PLS1: variants seen among roughly 807,000 people sequenced by gnomAD.
PLS1 encodes the protein plastin-1.
A neutral mutation model predicts 73.7 loss-of-function variants in PLS1; 32 were observed. The observed-to-expected ratio is 0.43, with a 90% CI of 0.33 to 0.58. The LOEUF (loss-of-function observed/expected upper bound fraction) is 0.58, where lower values mean the gene tolerates loss of function less well. PLS1 is among the 20% of genes least tolerant of loss of function. PLS1 has a pLI of 0.04. For synonymous variants in PLS1, 217 were observed against 261.3 expected (o/e 0.83, Z 1.63); for missense variants, 633 against 740.5 (o/e 0.85, Z 1.68).
intron 1 of PLS1, among the ~76,000 whole-genome samples, chr3:142,600,914 ATATTTTT>A (rs2035912609): frequency 2.6e-4 from 5 of 19,018 alleles, no homozygotes; most frequent in East Asian, 1.7e-3. Flanking sequence ...ATATATATAT[ATATTTTT>A]TTTTTTTTTT....
At position 142,703,920 on chromosome 3, in the gene PLS1, C is replaced by A; in HGVS notation, c.1424C>A (p.Ser475Tyr). 6.2e-7 allele frequency: 1 copy of A among 1,612,082 alleles called. No homozygotes were observed. The highest frequency in any genetic ancestry group is 8.5e-7 in the Non-Finnish European group (1 of 1,178,164). ...VELGKNKAKFSLVGIAGQDLN... is the reference protein window; with the variant it reads ...VELGKNKAKFYLVGIAGQDLN... ...CTTGGGAAGAACAAGGCCAAATTCTCCTTGGTTGGCATTGCTGGGCAGGAC... is the reference window on the plus strand; with the variant it reads ...CTTGGGAAGAACAAGGCCAAATTCTACTTGGTTGGCATTGCTGGGCAGGAC... Residue 475 changes from serine (S) to tyrosine (Y), a missense_variant, in exon 13 of 16, where the codon TCC (serine) becomes TAC (tyrosine). Physicochemically the swap from Ser to Tyr is moderately radical, Grantham distance 144. Coordinates refer to ENST00000457734, the MANE Select transcript of PLS1 (RefSeq NM_001145319.2).
intron 12 of PLS1, among the ~76,000 whole-genome samples, chr3:142,699,753 G>A (rs1037121285): frequency 1.3e-5 from 2 of 152,086 alleles, no homozygotes; most frequent in African/African-American, 4.8e-5. Context: ...GAATGAAAAT[G>A]TATTTATAGA....
chr3:142,607,523 C>T (rs2036046065), intron 1 of PLS1, among the ~76,000 whole-genome samples: 1 of 152,244 alleles, frequency 6.6e-6, no homozygotes, highest in African/African-American at 2.4e-5. Flanking sequence ...ATCCACCCGC[C>T]TCGGCCTCCC....
At chr3:142,673,267 G>C (rs2037646107) in intron 4 of PLS1, among the ~76,000 whole-genome samples, 1 of 152,090 alleles carries the variant, frequency 6.6e-6, no homozygotes, top group Non-Finnish European at 1.5e-5. Context: ...GGTTGATCTT[G>C]AACTCCTGGG....
chr3:142,698,003 T>C lies in PLS1; in HGVS notation c.1307T>C (p.Val436Ala), dbSNP rs1272058962. 1 of 1,613,756 alleles carries C rather than the reference T, an allele frequency of 6.2e-7. No homozygotes were observed. The highest frequency in any genetic ancestry group is 2.2e-5 in the East Asian group (1 of 44,860). The part of the protein sequence containing the change: ...VIFQLYEMIR[V>A]PVNWSHVNKP... Reference sequence around the variant, plus strand: ...TTTCAGCTCTATGAGATGATCCGAGTGCCAGTCAACTGGAGCCATGTCAAC... The same window carrying C: ...TTTCAGCTCTATGAGATGATCCGAGCGCCAGTCAACTGGAGCCATGTCAAC... Residue 436 changes from valine to alanine, a missense_variant, in exon 12 of 16, where the codon GTG (valine) becomes GCG (alanine). Val to Ala is a moderately conservative substitution (Grantham distance 64). Coordinates refer to ENST00000457734, the MANE Select transcript of PLS1 (RefSeq NM_001145319.2).
Position 142,664,241 on chromosome 3 carries a change from GA to G in PLS1, c.8del (p.Asn3ThrfsTer21). On this transcript the variant is annotated frameshift_variant, in exon 2 of 16. Coordinates refer to ENST00000457734, the MANE Select transcript of PLS1 (RefSeq NM_001145319.2). LOFTEE classifies it high-confidence loss of function. The stretch of plus-strand genomic sequence containing the variant: ...AGATAGTCTTTTCTGTCCAAAGATG[GA>G]AAACAGTACTACTACCATTTCTCGG... The part of the protein sequence containing the change: M[E>X]NSTTTISREE... 6.4e-7 allele frequency: 1 copy of G among 1,563,910 alleles called. No homozygotes were observed. Among genetic ancestry groups the G allele is most frequent in the Non-Finnish European group, 8.7e-7 (1 of 1,143,188 alleles).
chr3:142,689,882 C>CA, intron 10 of PLS1, 69 bp downstream of exon 10: 1 of 984,016 alleles, frequency 1.0e-6, no homozygotes, highest in Non-Finnish European at 1.5e-6. Flanking sequence ...ACTTCACTGT[C>CA]AGAGATAGGG....
intron 2 of PLS1, among the ~76,000 whole-genome samples, chr3:142,665,297 CA>C (rs11285999): frequency 0.058 from 6,529 of 112,222 alleles, 456 homozygotes; most frequent in African/African-American, 0.19. Context: ...AAAAGCACTC[CA>C]AAAAAAAAAA....
chr3:142,698,102 T>G (rs188621756), intron 12 of PLS1, 35 bp downstream of exon 12: 1 of 1,166,152 alleles, frequency 8.6e-7, no homozygotes, highest in Non-Finnish European at 1.3e-6. Context: ...ATATTGTTAT[T>G]GTTCTGATAT....
chr3:142,677,381 C>T (rs1038717149), intron 5 of PLS1, among the ~76,000 whole-genome samples: 13 of 152,166 alleles, frequency 8.5e-5, no homozygotes, highest in Admixed American at 1.3e-4. Context: ...CGTGGTGGCT[C>T]ATGCCTGTAA....
chr3:142,671,257 C>T (rs940971096), intron 4 of PLS1, 135 bp downstream of exon 4: 13 of 739,442 alleles, frequency 1.8e-5, no homozygotes, highest in Non-Finnish European at 2.6e-5. Context: ...AAAAATACTG[C>T]AGACCACAGT....
intron 1 of PLS1, among the ~76,000 whole-genome samples, chr3:142,606,610 G>A (rs1484152685): frequency 6.6e-6 from 1 of 152,018 alleles, no homozygotes; most frequent in Non-Finnish European, 1.5e-5. Context: ...CTCCTCCCCA[G>A]CTGCCCCTAC....
chr3:142,689,835 T>G, intron 10 of PLS1, 22 bp downstream of exon 10: 17 of 1,446,454 alleles, frequency 1.2e-5, no homozygotes, highest in Non-Finnish European at 1.6e-5. Flanking sequence ...CTGCCTTTAA[T>G]TGACTTGCTA....
intron 6 of PLS1, among the ~76,000 whole-genome samples, chr3:142,680,663 A>T (rs1226841460): frequency 6.6e-6 from 1 of 152,156 alleles, no homozygotes; most frequent in Non-Finnish European, 1.5e-5. Flanking sequence ...TACTTACCAC[A>T]CTTTCCCCCT....
chr3:142,674,398 C>A (rs146500674), intron 4 of PLS1, among the ~76,000 whole-genome samples: 1 of 151,932 alleles, frequency 6.6e-6, no homozygotes, highest in Admixed American at 6.6e-5. Flanking sequence ...TTTGGGGGTA[C>A]CTGCAAAATA....
intron 1 of PLS1, among the ~76,000 whole-genome samples, chr3:142,647,286 C>A (rs2036972816): frequency 6.6e-6 from 1 of 152,152 alleles, no homozygotes; most frequent in Non-Finnish European, 1.5e-5. Flanking sequence ...ATCAACTTAT[C>A]ACCTTAGGAG....
intron 2 of PLS1, 131 bp downstream of exon 2, chr3:142,664,438 G>A: frequency 2.0e-6 from 1 of 502,464 alleles, no homozygotes. Flanking sequence ...TTTCTATCTA[G>A]GTTTCACTGG....
intron 1 of PLS1, among the ~76,000 whole-genome samples, chr3:142,634,552 C>T (rs79500392): frequency 0.028 from 4,222 of 151,984 alleles, 187 homozygotes; most frequent in African/African-American, 0.096. Flanking sequence ...GAGTTTTGCC[C>T]GCGATGGTGT....
chr3:142,637,738 T>C (rs1447172487), intron 1 of PLS1, among the ~76,000 whole-genome samples: 1 of 152,164 alleles, frequency 6.6e-6, no homozygotes, highest in Non-Finnish European at 1.5e-5. Flanking sequence ...TATGTGTATG[T>C]GTATTCAGGA....
Sources: allele counts gnomAD v4.1 joint callset (sites outside exome capture counted in the v4.1 genomes callset), GRCh38; gene constraint gnomAD v4.1.1; transcripts MANE v1.5; gene names NCBI Gene and HGNC (gene_info 2026-07-23, HGNC 2026-07-21).